The following KIAA0319 variants were observed in gnomAD, a reference collection of about 807,000 sequenced individuals.
KIAA0319 encodes the protein KIAA0319.
A neutral mutation model predicts 108.4 loss-of-function variants in KIAA0319; 83 were observed. That is an observed-to-expected ratio of 0.77 (90% CI 0.64 to 0.92). The LOEUF (loss-of-function observed/expected upper bound fraction) is 0.92, where lower values mean the gene tolerates loss of function less well. Among genes scored for constraint, KIAA0319 ranks in the 40% least tolerant of loss-of-function variants. The probability of loss-of-function intolerance (pLI) is 0.00; values close to 1 mark genes in which losing one functional copy is unlikely to be tolerated. For missense variants in KIAA0319, 1,195 were observed against 1,322.4 expected (o/e 0.90, Z 1.49); for synonymous variants, 484 against 510.4 (o/e 0.95, Z 0.70).
chr6:24,607,385 A>AAAAGAAAGC (rs1771581946), intron 1 of KIAA0319, among the ~76,000 whole-genome samples: 1 of 152,152 alleles, frequency 6.6e-6, no homozygotes, highest in Non-Finnish European at 1.5e-5. Context: ...GAAAAGAAAG[A>AAAAGAAAGC]AAGCCAGACC....
chr6:24,548,152 G>A (rs1489670419), intron 20 of KIAA0319, among the ~76,000 whole-genome samples: 5 of 152,216 alleles, frequency 3.3e-5, no homozygotes, highest in African/African-American at 9.6e-5. Flanking sequence ...ACTTATGGCA[G>A]GGGTTGCTTC....
At position 24,596,356 on chromosome 6, in the gene KIAA0319, A is replaced by T. The variant is rs778212936; in HGVS notation, c.318T>A (p.Pro106=). Residue 106 remains proline, a synonymous_variant, in exon 3 of 21, where the codon CCT becomes CCA. Coordinates refer to ENST00000378214, the MANE Select transcript of KIAA0319 (RefSeq NM_014809.4). ...CCAGCAGCTGTGCAGGCCTCTGAAC[A>T]GGCCGGAGCACAAAAGTGAGATAAG... The part of the protein sequence containing the change: ...IRSYLTFVLR[P]VQRPAQLLDY... 2.2e-5 allele frequency: 35 copies of T among 1,614,128 alleles called. No individual in the cohort carries two copies. Among genetic ancestry groups the T allele is most frequent in the Non-Finnish European group, 2.8e-5 (33 of 1,180,056 alleles).
chr6:24,585,767 T>C (rs192556176), intron 4 of KIAA0319, among the ~76,000 whole-genome samples: 9 of 152,268 alleles, frequency 5.9e-5, no homozygotes, highest in Admixed American at 1.3e-4. Context: ...CACATACTGA[T>C]TGATGTCTTA....
At chr6:24,624,965 T>C (rs1774501693) in intron 1 of KIAA0319, among the ~76,000 whole-genome samples, 1 of 152,218 alleles carries the variant, frequency 6.6e-6, no homozygotes, top group African/African-American at 2.4e-5. Flanking sequence ...CTCAGGAGGC[T>C]GAGGGAGGAA....
In KIAA0319 at chr6:24,551,341, C is replaced by T. The variant is rs1581873533; in HGVS notation, c.3040+93G>A. ...TTCCCAATTAAAGTGCTGACTCCAG[C>T]AAATCGTTCTCCCTCTATCCAAGTT... On this transcript the variant is annotated intron_variant, in intron 20 of 20. Transcript: ENST00000378214. 11 of 843,264 alleles carry T rather than the reference C, an allele frequency of 1.3e-5. No individual in the cohort carries two copies. In the East Asian group the frequency reaches 2.7e-4, roughly 21 times the overall value. 52.2% of individuals were successfully genotyped at this position (843,264 alleles called of 1,614,324 possible).
At chr6:24,620,254 C>T (rs1211854654) in intron 1 of KIAA0319, among the ~76,000 whole-genome samples, 1 of 152,088 alleles carries the variant, frequency 6.6e-6, no homozygotes, top group Non-Finnish European at 1.5e-5. Context: ...AAACATGAGG[C>T]CTCTTCAATT....
chr6:24,601,252 T>C, intron 1 of KIAA0319, 44 bp from the exon 2 acceptor site: 6 of 1,481,396 alleles, frequency 4.1e-6, no homozygotes, highest in Non-Finnish European at 5.4e-6. Context: ...AAAGAATAGG[T>C]AAATGTAGAA....
At chr6:24,583,459 A>G in intron 5 of KIAA0319, 145 bp downstream of exon 5, 1 of 657,162 alleles carries the variant, frequency 1.5e-6, no homozygotes, top group Non-Finnish European at 2.6e-6. Flanking sequence ...GATGCTTAAG[A>G]ATAATCAAAG....
downstream of KIAA0319, among the ~76,000 whole-genome samples, chr6:24,541,122 C>A (rs887348038): frequency 6.6e-6 from 1 of 152,138 alleles, no homozygotes; most frequent in South Asian, 2.1e-4. Flanking sequence ...TTTAAACTTT[C>A]CTTTCACTAT....
chr6:24,549,317 C>A (rs1761096223), intron 20 of KIAA0319, among the ~76,000 whole-genome samples: 1 of 108,540 alleles, frequency 9.2e-6, no homozygotes, highest in African/African-American at 3.7e-5. Context: ...TAGAGCAAGA[C>A]TCTGTCTCCA....
At chr6:24,562,173 T>C (rs1411194556) in intron 16 of KIAA0319, among the ~76,000 whole-genome samples, 4 of 152,226 alleles carry the variant, frequency 2.6e-5, no homozygotes, top group Admixed American at 2.6e-4. Context: ...ATGTGCCTTA[T>C]TTCATGCCTA....
intron 7 of KIAA0319, among the ~76,000 whole-genome samples, chr6:24,580,706 G>A (rs1428918456): frequency 6.6e-6 from 1 of 152,128 alleles, no homozygotes; most frequent in African/African-American, 2.4e-5. Context: ...CCATTCGAGA[G>A]CAGCCAGCAA....
chr6:24,598,301 A>T (rs1770056732), intron 2 of KIAA0319: 1 of 662,602 alleles, frequency 1.5e-6, no homozygotes, highest in African/African-American at 1.8e-5. Flanking sequence ...ATGTGCACCC[A>T]GGAGAAGGAG....
In KIAA0319 at chr6:24,569,960, T is replaced by A. The variant is rs1173728515; in HGVS notation, c.1934A>T (p.Asp645Val). Residue 645 changes from aspartate to valine, a missense_variant, in exon 12 of 21, where the codon GAT (aspartate) becomes GTT (valine). Asp to Val is a radical substitution (Grantham distance 152, BLOSUM62 -3). Transcript: ENST00000378214. ...GTGGTCATCGCTGCTGCTGCTCCCA[T>A]CCAGGGTAGCACTTTCCACTGGGAA... The part of the protein sequence containing the change: ...LIFPVESATL[D>V]GSSSSDDHGI... 1.2e-6 allele frequency: 2 copies of A among 1,614,124 alleles called. No individual in the cohort carries two copies. The highest frequency in any genetic ancestry group is 1.7e-5 in the Admixed American group (1 of 60,012).
At chr6:24,584,763 A>C (rs1443205264) in intron 4 of KIAA0319, among the ~76,000 whole-genome samples, 1 of 152,260 alleles carries the variant, frequency 6.6e-6, no homozygotes, top group African/African-American at 2.4e-5. Flanking sequence ...TATTTAATTT[A>C]AATGTATTCA....
At chr6:24,576,254 T>C (rs1381932268) in intron 10 of KIAA0319, 114 bp downstream of exon 10, 1 of 828,462 alleles carries the variant, frequency 1.2e-6, no homozygotes, top group African/African-American at 1.7e-5. Context: ...ATAGATCAGA[T>C]AACTTTACAA....
rs529068850 is a variant in KIAA0319 at position 24,585,336 on chromosome 6, T to TA, written c.995-1635dup. ...TCCTAAACGAGATACCTACAAAGATTAAAAAAAAAAAAAGCTACATGCCTT... is the reference window on the plus strand; with the variant it reads ...TCCTAAACGAGATACCTACAAAGATTAAAAAAAAAAAAAAGCTACATGCCTT... On this transcript the variant is annotated intron_variant, in intron 4 of 20. Coordinates refer to ENST00000378214, the MANE Select transcript of KIAA0319 (RefSeq NM_014809.4). Among the ~76,000 whole-genome samples, 471 of 141,116 alleles carry TA rather than the reference T, an allele frequency of 3.3e-3. 3 individuals are homozygous for TA. Among genetic ancestry groups the TA allele is most frequent in the Admixed American group, 8.2e-3 (115 of 14,088 alleles). 92.6% of individuals were successfully genotyped at this position (141,116 alleles called of 152,430 possible). A position where few individuals can be genotyped will look rare whatever the true frequency, so the allele number is the denominator to read the frequency against.
At chr6:24,645,678 T>A (rs1052656178) in intron 1 of KIAA0319, 58 bp downstream of exon 1, 2 of 152,390 alleles carry the variant, frequency 1.3e-5, no homozygotes, top group African/African-American at 4.8e-5. Context: ...TTGGCCTGCC[T>A]ACTGGCTGCC....
chr6:24,618,897 C>T (rs1773526676), intron 1 of KIAA0319, among the ~76,000 whole-genome samples: 1 of 152,048 alleles, frequency 6.6e-6, no homozygotes. Flanking sequence ...AATGGATGGG[C>T]TAAATAGCAG....
Sources: allele counts gnomAD v4.1 joint callset (sites outside exome capture counted in the v4.1 genomes callset), GRCh38; gene constraint gnomAD v4.1.1; transcripts MANE v1.5; gene names NCBI Gene and HGNC (gene_info 2026-07-23, HGNC 2026-07-21).